TRIM4: variants seen among roughly 807,000 people sequenced by gnomAD.
TRIM4 encodes E3 ubiquitin-protein ligase TRIM4.
In TRIM4, 29 loss-of-function variants were observed where a neutral mutation model predicts 33.7. The ratio of observed to expected loss-of-function variants is 0.86; its 90% CI spans 0.64 to 1.17. TRIM4 has a LOEUF of 1.17. Among genes scored for constraint, TRIM4 ranks in the 50% most tolerant of loss-of-function variants. TRIM4 has a pLI of 0.00. For missense variants in TRIM4, 554 were observed against 593.7 expected, an observed-to-expected ratio of 0.93 and a Z score of 0.69; for synonymous variants, 224 against 233.0, an observed-to-expected ratio of 0.96 and a Z score of 0.35.
chr7:99,898,949 TTGC>T (rs1025496953), intron 5 of TRIM4, among the ~76,000 whole-genome samples: 2 of 152,236 alleles, frequency 1.3e-5, no homozygotes, highest in Non-Finnish European at 2.9e-5. Flanking sequence ...TTGTCTTTTG[TTGC>T]TGTAGTTTCT....
rs556717232 is a variant in TRIM4, at chr7:99,913,071, A to G, written c.394-3411T>C. On this transcript the variant is annotated intron_variant, in intron 1 of 5. Coordinates refer to ENST00000349062, the MANE Select transcript of TRIM4 (RefSeq NM_033091.3). ...TCCTTCAAATAGGACCAAGTTTTTG[A>G]AAGTTTTCACTTTGCTTGATAATGA... Among the ~76,000 whole-genome samples the G allele has an allele frequency of 9.2e-5, 14 of 152,330 alleles. No homozygotes were observed. In the East Asian group the frequency reaches 2.5e-3, roughly 27 times the overall value.
chr7:99,916,532 ACAGT>A (rs1472955005), intron 1 of TRIM4, among the ~76,000 whole-genome samples: 1 of 152,200 alleles, frequency 6.6e-6, no homozygotes, highest in East Asian at 1.9e-4. Flanking sequence ...AGTTAACCTG[ACAGT>A]CATCTACCTG....
chr7:99,891,991 A>T lies in TRIM4; in HGVS notation c.*172T>A. 1.6e-6 allele frequency: 1 copy of T among 615,118 alleles called. No individual in the cohort carries two copies. Among genetic ancestry groups the T allele is most frequent in the Non-Finnish European group, 2.7e-6 (1 of 365,938 alleles). 38.1% of individuals were successfully genotyped at this position (615,118 alleles called of 1,614,324 possible). On this transcript the variant is annotated 3_prime_UTR_variant, in exon 6 of 6. Transcript: ENST00000349062. ...TCTCCATTGGCCAGACCCACCTCCC[A>T]TGGGACTGCCTCTTGTGAAGCACAC... is the stretch of plus-strand genomic sequence containing the variant.
intron 2 of TRIM4, among the ~76,000 whole-genome samples, chr7:99,909,133 GGTGTGTGTGT>G (rs140032652): frequency 6.7e-6 from 1 of 148,410 alleles, no homozygotes; most frequent in Admixed American, 6.7e-5. Flanking sequence ...GGAGTGTGAG[GGTGTGTGTGT>G]GTGTGTGTGT....
At chr7:99,894,741 A>C (rs1433142437) in intron 5 of TRIM4, among the ~76,000 whole-genome samples, 2 of 152,098 alleles carry the variant, frequency 1.3e-5, no homozygotes, top group East Asian at 3.8e-4. Context: ...TTCTAATAGC[A>C]ATTTCTTTCA....
chr7:99,912,539 A>AG (rs1819469212), intron 1 of TRIM4, among the ~76,000 whole-genome samples: 1 of 151,820 alleles, frequency 6.6e-6, no homozygotes, highest in Non-Finnish European at 1.5e-5. Flanking sequence ...ATTAAAAAAA[A>AG]AAAATAATAC....
chr7:99,904,218 G>GACA, intron 3 of TRIM4, among the ~76,000 whole-genome samples: 1 of 152,084 alleles, frequency 6.6e-6, no homozygotes, highest in Non-Finnish European at 1.5e-5. Context: ...AAAATTCTAA[G>GACA]TAACATATCA....
chr7:99,902,243 C>T, intron 5 of TRIM4: 1 of 729,402 alleles, frequency 1.4e-6, no homozygotes, highest in Non-Finnish European at 2.5e-6. Context: ...CAACATGGTT[C>T]TTTTTAGTTT....
rs371606014 is a variant in TRIM4, at chr7:99,908,552, T to G, written c.720+30A>C. On this transcript the variant is annotated intron_variant, in intron 3 of 5. Coordinates refer to ENST00000349062, the MANE Select transcript of TRIM4 (RefSeq NM_033091.3). ...CAAGAGAGAGTTCAGTTAGTGAAGA[T>G]GAGATCACCCCCACTCGTAACTGTC... The G allele has an allele frequency of 6.4e-3, 9,188 of 1,438,910 alleles. 1 individual carries two copies. The highest frequency in any genetic ancestry group is 7.9e-3 in the Non-Finnish European group (8,171 of 1,036,544). The allele number at this position is 1,438,910 out of a possible 1,614,324, so 89.1% of individuals were successfully genotyped here.
intron 5 of TRIM4, among the ~76,000 whole-genome samples, chr7:99,900,829 G>A (rs1486304744): frequency 6.6e-6 from 1 of 152,136 alleles, no homozygotes; most frequent in Non-Finnish European, 1.5e-5. Flanking sequence ...TTGTTCCACT[G>A]CAAGTAACTA....
intron 3 of TRIM4, among the ~76,000 whole-genome samples, chr7:99,907,344 A>G (rs1819331058): frequency 6.6e-6 from 1 of 152,208 alleles, no homozygotes; most frequent in Non-Finnish European, 1.5e-5. Flanking sequence ...TCCTGACCTC[A>G]GGTGATCCAC....
intron 5 of TRIM4, among the ~76,000 whole-genome samples, chr7:99,896,022 TTATTAG>T (rs1169295801): frequency 3.3e-5 from 5 of 152,166 alleles, no homozygotes; most frequent in African/African-American, 9.6e-5. Flanking sequence ...GTTAATGTGA[TTATTAG>T]TATGATTAGA....
At chr7:99,912,596 T>C (rs1255080120) in intron 1 of TRIM4, among the ~76,000 whole-genome samples, 3 of 152,050 alleles carry the variant, frequency 2.0e-5, no homozygotes, top group African/African-American at 7.2e-5. Flanking sequence ...GCTGAAGTAT[T>C]TTGTTTGCAA....
chr7:99,916,061 T>C (rs776426468), intron 1 of TRIM4, among the ~76,000 whole-genome samples: 1 of 152,160 alleles, frequency 6.6e-6, no homozygotes, highest in Non-Finnish European at 1.5e-5. Flanking sequence ...AGAATTACAG[T>C]ATGAAAAATG....
In TRIM4 at chr7:99,908,794, GCTGA is replaced by G. The variant is rs1563087193; in HGVS notation, c.504_507del (p.Gln169GlufsTer2). 3 of 1,613,854 alleles carry G rather than the reference GCTGA, an allele frequency of 1.9e-6. No individual in the cohort carries two copies. The highest frequency in any genetic ancestry group is 2.5e-6 in the Non-Finnish European group (3 of 1,179,972). On this transcript the variant is annotated frameshift_variant, in exon 3 of 6. Coordinates refer to ENST00000349062, the MANE Select transcript of TRIM4 (RefSeq NM_033091.3). LOFTEE classifies it high-confidence loss of function. Reference sequence around the variant, plus strand: ...GAAAACTCCGTGCTGATTCTCATTCGCTGACTCTTTATCTTATCCTAAGGCCACA... The same window carrying G: ...GAAAACTCCGTGCTGATTCTCATTCGCTCTTTATCTTATCCTAAGGCCACA...
At chr7:99,918,977 C>A in intron 1 of TRIM4, 32 bp downstream of exon 1, 1 of 1,570,738 alleles carries the variant, frequency 6.4e-7, no homozygotes, top group South Asian at 1.2e-5. Flanking sequence ...ACACTGACAG[C>A]CCCGTCATAG....
In TRIM4 at chr7:99,908,581, C is replaced by T. The variant is rs1400622537; in HGVS notation, c.720+1G>A. 1.2e-6 allele frequency: 2 copies of T among 1,608,854 alleles called. No homozygotes were observed. Among genetic ancestry groups the T allele is most frequent in the South Asian group, 1.1e-5 (1 of 90,732 alleles). On this transcript the variant is annotated splice_donor_variant, in intron 3 of 5. Transcript: ENST00000349062. LOFTEE classifies it high-confidence loss of function. The stretch of plus-strand genomic sequence containing the variant: ...ATCACCCCCACTCGTAACTGTCTCA[C>T]CTGAAGCAGCTCCAGGGTGGGAGCC...
At chr7:99,918,457 C>A (rs1237669359) in intron 1 of TRIM4, among the ~76,000 whole-genome samples, 1 of 151,654 alleles carries the variant, frequency 6.6e-6, no homozygotes, top group Non-Finnish European at 1.5e-5. Context: ...CCCAGCTACT[C>A]GGGAGGCTGA....
rs1259289725 is a variant in TRIM4, at chr7:99,919,292, T to G, written c.110A>C (p.His37Pro). The G allele has an allele frequency of 6.4e-7, 1 of 1,553,280 alleles. No individual in the cohort carries two copies. Among genetic ancestry groups the G allele is most frequent in the Non-Finnish European group, 8.7e-7 (1 of 1,149,928 alleles). The change falls in exon 1 of 6, where the codon CAC becomes CCC. Residue 37 changes from histidine (H) to proline (P), a missense_variant. Transcript: ENST00000349062. ...GCCGCCGCCCGGCGCCCAGTTGCGGTGCAGGCAGCCGCGGCAGAAGTTGTG... is the reference window on the plus strand; with the variant it reads ...GCCGCCGCCCGGCGCCCAGTTGCGGGGCAGGCAGCCGCGGCAGAAGTTGTG... ...CGHNFCRGCLHRNWAPGGGPF... is the reference protein window; with the variant it reads ...CGHNFCRGCLPRNWAPGGGPF...
Sources: allele counts gnomAD v4.1 joint callset (sites outside exome capture counted in the v4.1 genomes callset), GRCh38; gene constraint gnomAD v4.1.1; transcripts MANE v1.5; gene names NCBI Gene and HGNC (gene_info 2026-07-23, HGNC 2026-07-21).